HTT: variants seen among roughly 807,000 people sequenced by gnomAD.
HTT encodes huntingtin.
HTT carries 104 observed loss-of-function variants against 362.3 expected under a neutral mutation model. The ratio of observed to expected loss-of-function variants is 0.29; its 90% CI spans 0.24 to 0.34. HTT has a LOEUF of 0.34. HTT is among the 10% of genes least tolerant of loss of function. The pLI is 1.00. For missense variants in HTT, 3,301 were observed against 3,928.6 expected (o/e 0.84, Z 4.27); for synonymous variants, 1,577 against 1,548.7 (o/e 1.02, Z -0.43).
intron 35 of HTT, 82 bp downstream of exon 35, chr4:3,178,528 G>A (rs574179374): frequency 3.6e-5 from 45 of 1,237,766 alleles, no homozygotes; most frequent in Non-Finnish European, 3.0e-5. Context: ...CACTTTGAAC[G>A]TTGTCAGTGG....
intron 42 of HTT, among the ~76,000 whole-genome samples, chr4:3,204,551 G>A (rs1719759050): frequency 6.6e-6 from 1 of 152,230 alleles, no homozygotes; most frequent in Admixed American, 6.5e-5. Flanking sequence ...ATTAATACCA[G>A]GAGCAGTGGC....
At chr4:3,215,088 C>G (rs916171) in intron 50 of HTT, 22 bp from the exon 51 acceptor site, 660,823 of 1,574,388 alleles carry the variant, frequency 0.42, 141,638 homozygotes, top group African/African-American at 0.58. Context: ...AAATTCTTCT[C>G]TTTGTTCTGT....
chr4:3,233,034 T>A, intron 60 of HTT, 129 bp from the exon 61 acceptor site: 1 of 718,226 alleles, frequency 1.4e-6, no homozygotes, highest in Non-Finnish European at 2.3e-6. Flanking sequence ...CTCAGGATGG[T>A]CTCCGGCCTG....
In HTT at chr4:3,243,521, A is replaced by T. The variant is rs1007287097; in HGVS notation, c.*3462A>T. ...CCTGGGAAGGAGGGAGCTGCTCAGA[A>T]TGCCGCATGACAACTGAAGGCAACC... On this transcript the variant is annotated 3_prime_UTR_variant, in exon 67 of 67. Transcript: ENST00000355072. 6.6e-6 allele frequency: 1 copy of T among 152,264 alleles called. No homozygotes were observed. Among genetic ancestry groups the T allele is most frequent in the African/African-American group, 2.4e-5 (1 of 41,432 alleles). The allele number at this position is 152,264 out of a possible 1,614,324, so 9.4% of individuals were successfully genotyped here.
chr4:3,144,561 C>A (rs921389642), intron 23 of HTT, among the ~76,000 whole-genome samples: 14 of 152,266 alleles, frequency 9.2e-5, no homozygotes, highest in African/African-American at 2.6e-4. Flanking sequence ...CGTGATCCAC[C>A]CACCTCGGCC....
rs115833900 is a variant in HTT at position 3,100,077 on chromosome 4, C to T, written c.468+683C>T. Among the ~76,000 whole-genome samples the T allele has an allele frequency of 4.4e-3, 672 of 152,312 alleles. 4 individuals are homozygous for T. The highest frequency in any genetic ancestry group is 0.016 in the African/African-American group (651 of 41,562). ...CGGTGCCTAGGTCAATGAAGGGAAC[C>T]GATGGTAGCCACTGGATGCTCCTGG... On this transcript the variant is annotated intron_variant, in intron 3 of 66. Coordinates refer to ENST00000355072, the MANE Select transcript of HTT (RefSeq NM_001388492.1).
intron 1 of HTT, among the ~76,000 whole-genome samples, chr4:3,081,581 G>A (rs374843142): frequency 1.6e-5 from 2 of 123,580 alleles, no homozygotes; most frequent in African/African-American, 6.3e-5. Context: ...TTTTTGAGAC[G>A]GAGTTTCACT....
intron 64 of HTT, among the ~76,000 whole-genome samples, chr4:3,237,142 C>T (rs1176012524): frequency 6.6e-6 from 1 of 150,908 alleles, no homozygotes; most frequent in East Asian, 1.9e-4. Flanking sequence ...GGTGTGATCT[C>T]GGCTCACTGC....
intron 8 of HTT, among the ~76,000 whole-genome samples, chr4:3,118,283 AT>A (rs1455912628): frequency 1.3e-5 from 2 of 152,010 alleles, no homozygotes; most frequent in African/African-American, 4.8e-5. Flanking sequence ...TATATGCTCA[AT>A]TTTTTTTAAC....
At chr4:3,098,078 C>A (rs995937966) in intron 2 of HTT, among the ~76,000 whole-genome samples, 10 of 152,176 alleles carry the variant, frequency 6.6e-5, no homozygotes, top group African/African-American at 1.9e-4. Context: ...ACTTTTGATG[C>A]GTCAGCTAGG....
chr4:3,102,021 G>A (rs1208616140), intron 3 of HTT, among the ~76,000 whole-genome samples: 1 of 152,222 alleles, frequency 6.6e-6, no homozygotes, highest in Non-Finnish European at 1.5e-5. Context: ...AGGTCAAGGG[G>A]TTGTACCTTG....
At chr4:3,098,602 C>T (rs541675158) in intron 2 of HTT, among the ~76,000 whole-genome samples, 1 of 152,260 alleles carries the variant, frequency 6.6e-6, no homozygotes, top group African/African-American at 2.4e-5. Flanking sequence ...AGCATGATGG[C>T]CTAAACAGCT....
At position 3,075,005 on chromosome 4, in the gene HTT, G is replaced by T; in HGVS notation, c.180G>T (p.Pro60=). 7.1e-7 allele frequency: 1 copy of T among 1,405,870 alleles called. No homozygotes were observed. 87.1% of individuals were successfully genotyped at this position (1,405,870 alleles called of 1,614,324 possible). The stretch of plus-strand genomic sequence containing the variant: ...CTCAGCCGCCGCCGCAGGCACAGCC[G>T]CTGCTGCCTCAGCCGCAGCCGCCCC... ...QLPQPPPQAQ[P]LLPQPQPPPP... is the part of the protein sequence containing the mutation. The change falls in exon 1 of 67, where the codon CCG becomes CCT. Residue 60 remains proline (P), a synonymous_variant. Coordinates refer to ENST00000355072, the MANE Select transcript of HTT (RefSeq NM_001388492.1).
rs199658140 is a variant in HTT, at chr4:3,174,751, C to A, written c.4197C>A (p.Thr1399=). The change falls in exon 32 of 67, where the codon ACC becomes ACA. Residue 1399 remains threonine, a synonymous_variant. Coordinates refer to ENST00000355072, the MANE Select transcript of HTT (RefSeq NM_001388492.1). The part of the protein sequence containing the change: ...GWFDVLQKVS[T]QLKTNLTSVT... ...TTGATGTCCTCCAGAAAGTGTCTACCCAGTTGAAGACAAACCTCACGAGTG... is the reference window on the plus strand; with the variant it reads ...TTGATGTCCTCCAGAAAGTGTCTACACAGTTGAAGACAAACCTCACGAGTG... 8 of 1,613,956 alleles carry A rather than the reference C, an allele frequency of 5.0e-6. 1 individual carries two copies. In the South Asian group the frequency reaches 8.8e-5, roughly 18 times the overall value.
chr4:3,125,905 A>G (rs1715499410), intron 11 of HTT, among the ~76,000 whole-genome samples: 1 of 152,180 alleles, frequency 6.6e-6, no homozygotes, highest in African/African-American at 2.4e-5. Context: ...TGAGTAGGGG[A>G]TGGCAGGTCG....
At chr4:3,202,615 T>G (rs1301897442) in intron 41 of HTT, among the ~76,000 whole-genome samples, 5 of 152,196 alleles carry the variant, frequency 3.3e-5, no homozygotes. Flanking sequence ...TGCTGTCACT[T>G]CAAACAGTTC....
intron 39 of HTT, 89 bp downstream of exon 39, chr4:3,187,975 G>T (rs1718846188): frequency 2.7e-6 from 2 of 737,342 alleles, no homozygotes; most frequent in Non-Finnish European, 4.5e-6. Context: ...AATAATACCT[G>T]GTCTTGCTTC....
intron 60 of HTT, among the ~76,000 whole-genome samples, chr4:3,230,284 C>T (rs370402400): frequency 3.4e-4 from 52 of 152,298 alleles, no homozygotes; most frequent in African/African-American, 1.2e-3. Context: ...TTTGGGGTCC[C>T]GTATCCCTGG....
chr4:3,132,791 T>C, intron 17 of HTT, 23 bp from the exon 18 acceptor site: 1 of 1,612,986 alleles, frequency 6.2e-7, no homozygotes, highest in Admixed American at 1.7e-5. Context: ...ATGATGATGT[T>C]TGTTGCTTGT....
Sources: gnomAD v4.1 joint callset for allele counts (sites outside exome capture counted in the v4.1 genomes callset) on GRCh38, gnomAD v4.1.1 for gene constraint, MANE v1.5 for transcripts, NCBI Gene and HGNC (gene_info 2026-07-23, HGNC 2026-07-21) for gene names.